LAMC1: variants seen among roughly 807,000 people sequenced by gnomAD.
The protein encoded by LAMC1 is laminin subunit gamma-1.
Under a neutral mutation model 173.6 loss-of-function variants are expected in LAMC1, and 38 were observed. The observed-to-expected ratio is 0.22, with a 90% confidence interval of 0.17 to 0.29. LAMC1 has a LOEUF of 0.29. Ranked by LOEUF, LAMC1 falls within the 10% of genes least tolerant of loss-of-function variation. The pLI is 1.00. For synonymous variants in LAMC1, 746 were observed against 749.1 expected, an observed-to-expected ratio of 1.00 and a Z score of 0.07; for missense variants, 1,824 against 2,051.8, an observed-to-expected ratio of 0.89 and a Z score of 2.14.
chr1:183,085,551 T>C (rs536047325), intron 1 of LAMC1, among the ~76,000 whole-genome samples: 34 of 151,878 alleles, frequency 2.2e-4, no homozygotes, highest in African/African-American at 7.5e-4. Context: ...TTTTTTTCTG[T>C]AGAGATGGGG....
chr1:183,103,103 A>G (rs1317328373), intron 1 of LAMC1, among the ~76,000 whole-genome samples: 1 of 152,192 alleles, frequency 6.6e-6, no homozygotes, highest in Non-Finnish European at 1.5e-5. Context: ...CATTTCCACA[A>G]TGCACATCAC....
intron 11 of LAMC1, among the ~76,000 whole-genome samples, chr1:183,121,485 A>G (rs776128839): frequency 2.3e-4 from 35 of 151,982 alleles, no homozygotes; most frequent in Non-Finnish European, 3.8e-4. Context: ...AAAGTTTGCT[A>G]TACCACCACT....
chr1:183,114,230 C>G (rs561552987), intron 4 of LAMC1, among the ~76,000 whole-genome samples: 1 of 152,116 alleles, frequency 6.6e-6, no homozygotes, highest in Non-Finnish European at 1.5e-5. Context: ...CTACCACACC[C>G]GGCTAATTTT....
Position 183,131,172 on chromosome 1 carries a change from C to CAAAAAAA in LAMC1, c.3487-115_3487-109dup, listed in dbSNP as rs3065304. On this transcript the variant is annotated intron_variant, in intron 19 of 27. Transcript: ENST00000258341. ...CTGGGCAACAAGAGTGAAACTATCT[C>CAAAAAAA]AAAAAAAAAAAAAAAAAAGGTAGAG... The CAAAAAAA allele has an allele frequency of 5.1e-4, 203 of 400,940 alleles. 3 individuals carry two copies. Among genetic ancestry groups the CAAAAAAA allele is most frequent in the South Asian group, 2.0e-3 (73 of 35,692 alleles). The allele number at this position is 400,940 out of a possible 1,614,324, so 24.8% of individuals were successfully genotyped here.
In LAMC1 at chr1:183,115,627, G is replaced by A; in HGVS notation, c.1318G>A (p.Ala440Thr). 1 of 1,608,086 alleles carries A rather than the reference G, an allele frequency of 6.2e-7. No homozygotes were observed. Among genetic ancestry groups the A allele is most frequent in the South Asian group, 1.1e-5 (1 of 90,958 alleles). The change falls in exon 6 of 28, where the codon GCA becomes ACA. Residue 440 changes from alanine to threonine, a missense_variant. Ala to Thr is a moderately conservative substitution (Grantham distance 58). Coordinates refer to ENST00000258341, the MANE Select transcript of LAMC1 (RefSeq NM_002293.4). ...CQPGFHSLTEAGCRPCSCDPS... is the reference protein window; with the variant it reads ...CQPGFHSLTETGCRPCSCDPS... The stretch of plus-strand genomic sequence containing the variant: ...GCCTGGATTCCATTCTCTCACTGAA[G>A]CAGGATGCAGGTAAAATATTTTCAA...
intron 10 of LAMC1, 94 bp downstream of exon 10, chr1:183,117,817 G>A: frequency 8.7e-7 from 1 of 1,149,870 alleles, no homozygotes; most frequent in Non-Finnish European, 1.2e-6. Flanking sequence ...GTATTTTAAA[G>A]AAAAACTTCT....
chr1:183,043,213 C>T (rs1023633808), intron 1 of LAMC1, among the ~76,000 whole-genome samples: 3 of 152,198 alleles, frequency 2.0e-5, no homozygotes, highest in Admixed American at 1.3e-4. Context: ...GTGTATGTTA[C>T]ATAACACCCT....
chr1:183,060,596 A>T (rs563453500), intron 1 of LAMC1, among the ~76,000 whole-genome samples: 1 of 152,198 alleles, frequency 6.6e-6, no homozygotes, highest in East Asian at 1.9e-4. Context: ...TGCTTACTAC[A>T]CTGTGTCCTA....
At position 183,140,389 on chromosome 1, in the gene LAMC1, AT is replaced by A. The variant is rs2102116749; in HGVS notation, c.4474-10del. ...ACATACAGTCAAGACTCTTTGCCTC[AT>A]TTTTCCCTTACAGGCTTCACAGGCT... On this transcript the variant is annotated splice_polypyrimidine_tract_variant and intron_variant, in intron 26 of 27. Transcript: ENST00000258341. 3.2e-6 allele frequency: 5 copies of A among 1,581,270 alleles called. No homozygotes were observed. The highest frequency in any genetic ancestry group is 1.4e-5 in the African/African-American group (1 of 73,966).
At chr1:183,135,956 A>G (rs2102110496) in intron 24 of LAMC1, among the ~76,000 whole-genome samples, 1 of 152,226 alleles carries the variant, frequency 6.6e-6, no homozygotes, top group Non-Finnish European at 1.5e-5. Context: ...CCTTGGTTCA[A>G]AACCCTGCAC....
intron 1 of LAMC1, among the ~76,000 whole-genome samples, chr1:183,101,336 T>G (rs1433167407): frequency 6.6e-6 from 1 of 151,788 alleles, no homozygotes; most frequent in Non-Finnish European, 1.5e-5. Flanking sequence ...AAAGGTGATG[T>G]CTTGACATTT....
At chr1:183,033,730 T>G (rs1035996816) in intron 1 of LAMC1, among the ~76,000 whole-genome samples, 1 of 152,134 alleles carries the variant, frequency 6.6e-6, no homozygotes, top group Non-Finnish European at 1.5e-5. Flanking sequence ...CTCACTCTGT[T>G]GCCCAGGCTA....
intron 4 of LAMC1, among the ~76,000 whole-genome samples, chr1:183,111,555 G>A (rs10911249): frequency 0.52 from 78,609 of 151,966 alleles, 21,024 homozygotes; most frequent in South Asian, 0.65. Flanking sequence ...GAAAAAACTT[G>A]AAACATTGTT....
intron 1 of LAMC1, among the ~76,000 whole-genome samples, chr1:183,029,573 G>C (rs972660274): frequency 2.0e-5 from 3 of 152,070 alleles, no homozygotes; most frequent in African/African-American, 7.2e-5. Context: ...TGTTCACAGG[G>C]CTGTTCTTTG....
At chr1:183,076,280 T>G (rs763677442) in intron 1 of LAMC1, among the ~76,000 whole-genome samples, 21 of 152,226 alleles carry the variant, frequency 1.4e-4, no homozygotes, top group Non-Finnish European at 2.5e-4. Flanking sequence ...TTGGGCACAC[T>G]TTATATTCAT....
intron 20 of LAMC1, among the ~76,000 whole-genome samples, chr1:183,131,888 C>G (rs1463184186): frequency 6.6e-6 from 1 of 152,192 alleles, no homozygotes; most frequent in African/African-American, 2.4e-5. Context: ...AAAATATTCT[C>G]ATCTCAGTTT....
chr1:183,038,668 A>T (rs906012728), intron 1 of LAMC1, among the ~76,000 whole-genome samples: 1 of 152,190 alleles, frequency 6.6e-6, no homozygotes, highest in African/African-American at 2.4e-5. Context: ...CTGGGAAGTG[A>T]TATTTTCCTG....
intron 4 of LAMC1, among the ~76,000 whole-genome samples, chr1:183,112,113 T>C (rs536094094): frequency 1.3e-5 from 2 of 152,172 alleles, no homozygotes; most frequent in African/African-American, 4.8e-5. Context: ...CACTACTGTT[T>C]CCACTGAACT....
intron 1 of LAMC1, among the ~76,000 whole-genome samples, chr1:183,089,698 C>T (rs1270439515): frequency 2.0e-5 from 3 of 152,126 alleles, no homozygotes; most frequent in Non-Finnish European, 2.9e-5. Context: ...TAATTTAGAT[C>T]GACTTCTGAT....
Sources: gnomAD v4.1 joint callset for allele counts (sites outside exome capture counted in the v4.1 genomes callset) on GRCh38, gnomAD v4.1.1 for gene constraint, MANE v1.5 for transcripts, NCBI Gene and HGNC (gene_info 2026-07-23, HGNC 2026-07-21) for gene names.